MITF: variants seen among roughly 807,000 people sequenced by gnomAD.
The protein encoded by MITF is melanocyte inducing transcription factor.
In MITF, 17 loss-of-function variants were observed where a neutral mutation model predicts 60.5. The ratio of observed to expected loss-of-function variants is 0.28; its 90% confidence interval spans 0.19 to 0.42. The LOEUF (loss-of-function observed/expected upper bound fraction) is 0.42. Among genes scored for constraint, MITF ranks in the 10% least tolerant of loss-of-function variants. MITF has a pLI of 1.00. For synonymous variants in MITF, 260 were observed against 248.5 expected, an observed-to-expected ratio of 1.05 and a Z score of -0.43; for missense variants, 622 against 683.5, an observed-to-expected ratio of 0.91 and a Z score of 1.00.
chr3:69,741,372 A>T (rs918947965), intron 1 of MITF, among the ~76,000 whole-genome samples: 1 of 152,176 alleles, frequency 6.6e-6, no homozygotes, highest in Non-Finnish European at 1.5e-5. Flanking sequence ...TCCTGAAAGA[A>T]ATAAATTAAC....
rs182596826 is a variant in MITF, at chr3:69,933,416, C to A, written c.355-4406C>A. Among the ~76,000 whole-genome samples the A allele has an allele frequency of 2.0e-5, 3 of 152,120 alleles. No homozygotes were observed. The East Asian group carries it at 5.8e-4, about 29-fold the overall frequency. On this transcript the variant is annotated intron_variant, in intron 2 of 9. Coordinates refer to ENST00000352241, the MANE Select transcript of MITF (RefSeq NM_001354604.2). Reference sequence around the variant, plus strand: ...GCTCCAGGATCTCTTTAGAATGAAACTGATGGAAAATAACCTGTCAGTTTT... The same window carrying A: ...GCTCCAGGATCTCTTTAGAATGAAAATGATGGAAAATAACCTGTCAGTTTT...
At chr3:69,871,404 C>G (rs2064233868) in intron 1 of MITF, among the ~76,000 whole-genome samples, 1 of 152,134 alleles carries the variant, frequency 6.6e-6, no homozygotes, top group African/African-American at 2.4e-5. Flanking sequence ...GTGACAACAC[C>G]ATAACCTCAT....
intron 2 of MITF, among the ~76,000 whole-genome samples, chr3:69,908,758 T>C (rs528540475): frequency 6.6e-6 from 1 of 152,292 alleles, no homozygotes; most frequent in African/African-American, 2.4e-5. Context: ...TTCTTCCACT[T>C]AGGATTTTTG....
chr3:69,956,306 C>A, intron 7 of MITF, 149 bp from the exon 8 acceptor site: 1 of 704,866 alleles, frequency 1.4e-6, no homozygotes, highest in Non-Finnish European at 2.6e-6. Flanking sequence ...ACTGCAATAC[C>A]AAGAACATAG....
chr3:69,778,119 C>T (rs2062504163), intron 1 of MITF, among the ~76,000 whole-genome samples: 1 of 151,908 alleles, frequency 6.6e-6, no homozygotes, highest in African/African-American at 2.4e-5. Context: ...GTGGGTGATT[C>T]GTTGGACTTA....
At chr3:69,881,278 C>T (rs2064481130) in intron 2 of MITF, among the ~76,000 whole-genome samples, 1 of 152,032 alleles carries the variant, frequency 6.6e-6, no homozygotes, top group South Asian at 2.1e-4. Context: ...AGGTAAATTT[C>T]TCTTTCACTC....
chr3:69,945,770 T>C (rs543182491), intron 5 of MITF, among the ~76,000 whole-genome samples: 2 of 152,300 alleles, frequency 1.3e-5, no homozygotes, highest in Non-Finnish European at 1.5e-5. Context: ...CTTCACCCAC[T>C]GGATGCCAGC....
intron 2 of MITF, among the ~76,000 whole-genome samples, chr3:69,931,390 A>G (rs547098069): frequency 3.3e-5 from 5 of 152,070 alleles, no homozygotes; most frequent in Non-Finnish European, 7.4e-5. Flanking sequence ...TATATTAGGG[A>G]TTTTCTTATG....
Position 69,896,391 on chromosome 3 carries a change from G to T in MITF, c.354+17008G>T, listed in dbSNP as rs75544621. On this transcript the variant is annotated intron_variant, in intron 2 of 9. Transcript: ENST00000352241. ...CATTCATAAAGAAGGCTGTCTCTGG[G>T]ATCAGATTTTAATTTTTTGAAAAAG... 3.0e-3 allele frequency among the ~76,000 whole-genome samples: 459 copies of T among 152,284 alleles called. 3 individuals carry two copies. Among genetic ancestry groups the T allele is most frequent in the African/African-American group, 9.8e-3 (407 of 41,560 alleles).
At chr3:69,820,073 G>GT (rs2063244252) in intron 1 of MITF, among the ~76,000 whole-genome samples, 1 of 152,196 alleles carries the variant, frequency 6.6e-6, no homozygotes, top group Non-Finnish European at 1.5e-5. Context: ...GAGACGTACT[G>GT]TATGTGTGAA....
chr3:69,918,849 T>C (rs185588503), intron 2 of MITF, among the ~76,000 whole-genome samples: 21 of 152,336 alleles, frequency 1.4e-4, no homozygotes, highest in Non-Finnish European at 2.9e-4. Context: ...TTACAACTTA[T>C]TCTCATACTC....
chr3:69,838,718 A>G (rs976451395), intron 1 of MITF: 4 of 152,620 alleles, frequency 2.6e-5, no homozygotes, highest in Non-Finnish European at 5.9e-5. Context: ...GATTCTGTAA[A>G]TCAATATTGC....
At chr3:69,830,094 G>T (rs2063421071) in intron 1 of MITF, among the ~76,000 whole-genome samples, 1 of 152,154 alleles carries the variant, frequency 6.6e-6, no homozygotes, top group Non-Finnish European at 1.5e-5. Context: ...AAGGTGTTAA[G>T]CCTCTGAAAT....
intron 1 of MITF, among the ~76,000 whole-genome samples, chr3:69,854,883 A>G (rs778218719): frequency 4.6e-5 from 7 of 152,218 alleles, no homozygotes; most frequent in Non-Finnish European, 1.0e-4. Context: ...CCTCTAAAGT[A>G]TTAAAATTCA....
At chr3:69,927,442 C>T (rs951350584) in intron 2 of MITF, among the ~76,000 whole-genome samples, 1 of 151,892 alleles carries the variant, frequency 6.6e-6, no homozygotes, top group African/African-American at 2.4e-5. Context: ...ACCTAGATGA[C>T]GGGTTGACAG....
chr3:69,782,257 C>T (rs2081911985), intron 1 of MITF, among the ~76,000 whole-genome samples: 1 of 152,138 alleles, frequency 6.6e-6, no homozygotes, highest in Admixed American at 6.6e-5. Flanking sequence ...CTTGTTTGGC[C>T]CCCTGACCTG....
chr3:69,754,074 A>T (rs140358685), intron 1 of MITF, among the ~76,000 whole-genome samples: 128 of 152,282 alleles, frequency 8.4e-4, no homozygotes, highest in Non-Finnish European at 1.2e-3. Flanking sequence ...GTAATCCCCA[A>T]TGTTGCAGGT....
At chr3:69,773,305 C>G (rs148941672) in intron 1 of MITF, among the ~76,000 whole-genome samples, 2 of 152,122 alleles carry the variant, frequency 1.3e-5, no homozygotes, top group Admixed American at 1.3e-4. Flanking sequence ...GGGGCAGAGG[C>G]AGACACTGTA....
At chr3:69,916,729 C>T (rs2065343193) in intron 2 of MITF, among the ~76,000 whole-genome samples, 1 of 152,140 alleles carries the variant, frequency 6.6e-6, no homozygotes, top group Non-Finnish European at 1.5e-5. Flanking sequence ...TGACTGTTAA[C>T]ACTGACCTCA....
Sources: allele counts gnomAD v4.1 joint callset (sites outside exome capture counted in the v4.1 genomes callset), GRCh38; gene constraint gnomAD v4.1.1; transcripts MANE v1.5; gene names NCBI Gene and HGNC (gene_info 2026-07-23, HGNC 2026-07-21).